DNAH5: variants seen among roughly 807,000 people sequenced by gnomAD.
The protein encoded by DNAH5 is axonemal beta dynein heavy chain 5.
In DNAH5, 372 loss-of-function variants were observed where a neutral mutation model predicts 518.2. The ratio of observed to expected loss-of-function variants is 0.72; its 90% confidence interval spans 0.66 to 0.78. The LOEUF is 0.78. Among genes scored for constraint, DNAH5 ranks in the 30% least tolerant of loss-of-function variants. The probability of loss-of-function intolerance (pLI) is 0.00; values close to 1 mark genes in which losing one functional copy is unlikely to be tolerated. For synonymous variants in DNAH5, 2,039 were observed against 2,025.9 expected (o/e 1.01, Z -0.17); for missense variants, 5,523 against 5,687.0 (o/e 0.97, Z 0.93).
chr5:13,903,045 T>C (rs750690655), intron 12 of DNAH5, among the ~76,000 whole-genome samples: 11 of 152,110 alleles, frequency 7.2e-5, no homozygotes, highest in Non-Finnish European at 1.5e-4. Context: ...CTAAAAATGA[T>C]AGAGCAGTCT....
chr5:13,704,972 T>C (rs1742583529), intron 76 of DNAH5, among the ~76,000 whole-genome samples: 1 of 151,378 alleles, frequency 6.6e-6, no homozygotes, highest in Non-Finnish European at 1.5e-5. Flanking sequence ...ACAAGGTGAC[T>C]ATAGTTTATA....
chr5:13,929,597 AC>A (rs1409720993), intron 2 of DNAH5, among the ~76,000 whole-genome samples: 5 of 152,346 alleles, frequency 3.3e-5, no homozygotes, highest in African/African-American at 1.2e-4. Flanking sequence ...TGAAGATGCC[AC>A]AGGGACGAGG....
At chr5:13,786,852 T>C (rs1756106012) in intron 51 of DNAH5, among the ~76,000 whole-genome samples, 1 of 152,082 alleles carries the variant, frequency 6.6e-6, no homozygotes, top group South Asian at 2.1e-4. Context: ...AAAAATAATT[T>C]CCAAAATGAA....
Position 13,885,164 on chromosome 5 carries a change from C to T in DNAH5, c.2808G>A (p.Leu936=). 1 of 1,614,180 alleles carries T rather than the reference C, an allele frequency of 6.2e-7. No homozygotes were observed. The highest frequency in any genetic ancestry group is 1.1e-5 in the South Asian group (1 of 91,082). Residue 936 remains leucine (L), a synonymous_variant, in exon 19 of 79, where the codon CTG becomes CTA. Coordinates refer to ENST00000265104, the MANE Select transcript of DNAH5 (RefSeq NM_001369.3). ...TSSINARANA[L]LLTTVTRKKK... is the part of the protein sequence containing the mutation. ...TTTTCCTCGTGACTGTCGTCAAAAG[C>T]AGGGCATTGGCCCTGGCATTAATAG...
intron 55 of DNAH5, among the ~76,000 whole-genome samples, chr5:13,775,049 C>CT (rs374621597): frequency 3.4e-5 from 5 of 149,130 alleles, no homozygotes; most frequent in Admixed American, 6.7e-5. Context: ...GTTTTAAAAT[C>CT]TTTTTTTTAA....
chr5:13,941,836 C>CA (rs1375880628), intron 1 of DNAH5, among the ~76,000 whole-genome samples: 1 of 152,210 alleles, frequency 6.6e-6, no homozygotes, highest in Admixed American at 6.5e-5. Context: ...GGGGAGAAGA[C>CA]TTTTCTCCAT....
intron 35 of DNAH5, among the ~76,000 whole-genome samples, chr5:13,837,620 G>A (rs931458255): frequency 6.6e-6 from 1 of 150,880 alleles, no homozygotes; most frequent in Admixed American, 6.6e-5. Context: ...GGAAGTGCTG[G>A]AGACTTGAAA....
At chr5:13,741,245 T>C (rs1748486367) in intron 65 of DNAH5, among the ~76,000 whole-genome samples, 1 of 152,202 alleles carries the variant, frequency 6.6e-6, no homozygotes, top group Non-Finnish European at 1.5e-5. Flanking sequence ...TCACCACTGA[T>C]TGAATGGTTA....
At chr5:13,898,255 G>A (rs890319175) in intron 15 of DNAH5, 21 of 268,778 alleles carry the variant, frequency 7.8e-5, no homozygotes, top group Non-Finnish European at 1.4e-4. Flanking sequence ...ACCCTACAAC[G>A]TGCTTACAAG....
intron 1 of DNAH5, among the ~76,000 whole-genome samples, chr5:13,932,886 G>A (rs1320938432): frequency 6.6e-6 from 1 of 152,220 alleles, no homozygotes; most frequent in Non-Finnish European, 1.5e-5. Flanking sequence ...ACAGGCCACT[G>A]GAAATGTTCA....
chr5:13,691,952 C>T lies in DNAH5; in HGVS notation c.*32G>A, dbSNP rs866966083. The T allele has an allele frequency of 6.2e-7, 1 of 1,613,862 alleles. No individual in the cohort carries two copies. The highest frequency in any genetic ancestry group is 8.5e-7 in the Non-Finnish European group (1 of 1,179,832). The stretch of plus-strand genomic sequence containing the variant: ...TACAATAATTTAGATCTTGCATTTT[C>T]CAAAGCATTGGGTGGGGACACTCCC... On this transcript the variant is annotated 3_prime_UTR_variant, in exon 79 of 79. Coordinates refer to ENST00000265104, the MANE Select transcript of DNAH5 (RefSeq NM_001369.3).
chr5:13,890,128 C>T (rs528382595), intron 17 of DNAH5, among the ~76,000 whole-genome samples: 15 of 152,202 alleles, frequency 9.9e-5, no homozygotes, highest in African/African-American at 2.4e-4. Context: ...AATGAAGGGC[C>T]GGGCGCAGTG....
In DNAH5 at chr5:13,965,404, ACC is replaced by A. The variant is rs768879668; in HGVS notation, c.13-34162_13-34161del. ...TCATAATGCAAGTTTTTCACAGGAA[ACC>A]AATGTGACTCTAAGGAATAATGAAA... On this transcript the variant is annotated intron_variant, in intron 1 of 78. Transcript: ENST00000681290. Among the ~76,000 whole-genome samples the A allele has an allele frequency of 3.3e-5, 5 of 152,320 alleles. No individual in the cohort carries two copies. In the East Asian group the frequency reaches 7.7e-4, roughly 23 times the overall value.
chr5:13,938,585 A>T (rs1285352530), intron 1 of DNAH5, among the ~76,000 whole-genome samples: 4 of 151,738 alleles, frequency 2.6e-5, no homozygotes, highest in Non-Finnish European at 4.4e-5. Flanking sequence ...ATATATACAT[A>T]TATATGAAAA....
intron 55 of DNAH5, among the ~76,000 whole-genome samples, chr5:13,775,368 T>C (rs756648091): frequency 6.6e-6 from 1 of 152,082 alleles, no homozygotes; most frequent in Non-Finnish European, 1.5e-5. Context: ...GAATTTGTTT[T>C]AAGAATAGGT....
At chr5:13,806,893 A>C (rs115539781) in intron 47 of DNAH5, among the ~76,000 whole-genome samples, 1 of 152,192 alleles carries the variant, frequency 6.6e-6, no homozygotes, top group Non-Finnish European at 1.5e-5. Flanking sequence ...TAAGGGTCTA[A>C]GATTTTATAC....
chr5:13,704,423 C>T (rs10067517), intron 76 of DNAH5, among the ~76,000 whole-genome samples: 80,266 of 152,038 alleles, frequency 0.53, 21,406 homozygotes, highest in Middle Eastern at 0.57. Flanking sequence ...TACCAAATAC[C>T]GTTTTAAAAC....
rs1242625388 is a variant in DNAH5, at chr5:13,839,415, T to C, written c.5823A>G (p.Ile1941Met). ...TGCAGCCTAAAAATTCATTCTGGTA[T>C]ATGAACGCCACATCTGTGATGTGAA... The part of the protein sequence containing the change: ...MMIHITDVAF[I>M]YQNEFLGCTD... Residue 1941 changes from isoleucine (I) to methionine (M), a missense_variant, in exon 35 of 79, where the codon ATA (isoleucine) becomes ATG (methionine). Around this residue, in one of 3 missense-constraint regions of DNAH5, gnomAD observed 5,121 missense variants for 5,223.3 expected, o/e 0.98. Transcript: ENST00000265104. 1.5e-5 allele frequency: 24 copies of C among 1,613,958 alleles called. No homozygotes were observed. Among genetic ancestry groups the C allele is most frequent in the Non-Finnish European group, 2.0e-5 (24 of 1,179,946 alleles).
rs139515989 is a variant in DNAH5, at chr5:13,770,421, G to A, written c.9605+328C>T. On this transcript the variant is annotated intron_variant, in intron 56 of 78. Transcript: ENST00000265104. ...CTGATGTCAATCAATATTATAGAAC[G>A]CAGTAGGCCACATAAAAACCTGGCA... 3.2e-4 allele frequency among the ~76,000 whole-genome samples: 48 copies of A among 152,238 alleles called. No homozygotes were observed. In the East Asian group the frequency reaches 8.3e-3, roughly 26 times the overall value.
Sources: gnomAD v4.1 joint callset for allele counts (sites outside exome capture counted in the v4.1 genomes callset) on GRCh38, gnomAD v4.1.1 for gene constraint, gnomAD v4.1.1 regional missense constraint, MANE v1.5 for transcripts, NCBI Gene and HGNC (gene_info 2026-07-23, HGNC 2026-07-21) for gene names.